ZPBP2: variants seen among roughly 807,000 people sequenced by gnomAD.
ZPBP2 encodes zona pellucida-binding protein 2.
A neutral mutation model predicts 37.5 loss-of-function variants in ZPBP2; 34 were observed. The ratio of observed to expected loss-of-function variants is 0.91; its 90% CI spans 0.69 to 1.21. ZPBP2 has a LOEUF of 1.21. Among genes scored for constraint, ZPBP2 ranks in the 50% most tolerant of loss-of-function variants. The probability of loss-of-function intolerance (pLI) is 0.00; values close to 1 mark genes in which losing one functional copy is unlikely to be tolerated. For missense variants in ZPBP2, 397 were observed against 413.5 expected, an observed-to-expected ratio of 0.96 and a Z score of 0.35; for synonymous variants, 143 against 138.4, an observed-to-expected ratio of 1.03 and a Z score of -0.23.
chr17:39,871,063 A>G (rs1045669671), intron 3 of ZPBP2, among the ~76,000 whole-genome samples: 9 of 152,128 alleles, frequency 5.9e-5, no homozygotes, highest in African/African-American at 2.2e-4. Flanking sequence ...TATAAAACCT[A>G]AAATTTATCA....
intron 6 of ZPBP2, among the ~76,000 whole-genome samples, chr17:39,874,492 G>A (rs1476750527): frequency 6.6e-6 from 1 of 151,892 alleles, no homozygotes; most frequent in Non-Finnish European, 1.5e-5. Context: ...CCAGGCTGCT[G>A]TGCAATCTCA....
chr17:39,872,416 C>T lies in ZPBP2; in HGVS notation c.553C>T (p.Pro185Ser), dbSNP rs779439070. The T allele has an allele frequency of 1.0e-4, 169 of 1,613,238 alleles. No individual in the cohort carries two copies. Among genetic ancestry groups the T allele is most frequent in the Non-Finnish European group, 1.3e-4 (155 of 1,179,786 alleles). The change falls in exon 5 of 8, where the codon CCA (proline) becomes TCA (serine). Residue 185 changes from proline (P) to serine (S), a missense_variant. Transcript: ENST00000348931. Reference protein sequence around the residue: ...ISDLSCHVIEPSYKCHSVEIP... With the variant: ...ISDLSCHVIESSYKCHSVEIP... ...TGATTTGTCATGCCATGTCATAGAGCCATCATATAAATGCCATTCTGTTGA... is the reference window on the plus strand; with the variant it reads ...TGATTTGTCATGCCATGTCATAGAGTCATCATATAAATGCCATTCTGTTGA...
intron 3 of ZPBP2, 130 bp downstream of exon 3, chr17:39,870,949 AATC>A: frequency 1.2e-6 from 1 of 858,230 alleles, no homozygotes; most frequent in Non-Finnish European, 1.6e-6. Flanking sequence ...TACTTAGAAA[AATC>A]ATGTTATATT....
intron 2 of ZPBP2, among the ~76,000 whole-genome samples, chr17:39,869,825 G>T (rs925794445): frequency 6.7e-6 from 1 of 148,178 alleles, no homozygotes; most frequent in African/African-American, 2.5e-5. Flanking sequence ...CAATTCTTCT[G>T]CCTCAGCCTC....
chr17:39,870,633 TA>T, intron 2 of ZPBP2, 60 bp from the exon 3 acceptor site: 1 of 1,002,534 alleles, frequency 1.0e-6, no homozygotes, highest in Non-Finnish European at 1.4e-6. Flanking sequence ...ATGGTAGGAG[TA>T]TATTTCTTAA....
At position 39,872,374 on chromosome 17, in the gene ZPBP2, T is replaced by G; in HGVS notation, c.511T>G (p.Leu171Val). Reference protein sequence around the residue: ...DVFFRVLKKILDSLISDLSCH... With the variant: ...DVFFRVLKKIVDSLISDLSCH... ...ATTCTTTAGAGTGCTGAAGAAAATC[T>G]TGGATAGTCTAATTTCTGATTTGTC... The change falls in exon 5 of 8, where the codon TTG (leucine) becomes GTG (valine). Residue 171 changes from leucine to valine, a missense_variant. By Grantham distance (32) the Leu-to-Val change is conservative (BLOSUM62 1). Coordinates refer to ENST00000348931, the MANE Select transcript of ZPBP2 (RefSeq NM_199321.3). The G allele has an allele frequency of 1.2e-6, 2 of 1,613,534 alleles. No individual in the cohort carries two copies. Among genetic ancestry groups the G allele is most frequent in the Non-Finnish European group, 1.7e-6 (2 of 1,179,704 alleles).
chr17:39,868,327 C>A lies in ZPBP2; in HGVS notation c.-28C>A. ...AGGTAGGAGGGAGTCTGTCCCTCGA[C>A]GCCTCCTGCGACGCCAGCCCCTGAG... On this transcript the variant is annotated 5_prime_UTR_variant, in exon 1 of 8. Transcript: ENST00000348931. 1 of 1,604,800 alleles carries A rather than the reference C, an allele frequency of 6.2e-7. No individual in the cohort carries two copies. The highest frequency in any genetic ancestry group is 8.5e-7 in the Non-Finnish European group (1 of 1,179,336).
intron 6 of ZPBP2, among the ~76,000 whole-genome samples, chr17:39,874,970 C>T (rs538795925): frequency 4.6e-5 from 7 of 151,812 alleles, no homozygotes; most frequent in East Asian, 3.9e-4. Context: ...AGGATGGTCT[C>T]GAACTCTTGA....
Position 39,870,812 on chromosome 17 carries a change from G to A in ZPBP2, c.237G>A (p.Thr79=), listed in dbSNP as rs1461089734. 9 of 1,506,682 alleles carry A rather than the reference G, an allele frequency of 6.0e-6. No individual in the cohort carries two copies. The East Asian group carries it at 9.2e-5, about 15-fold the overall frequency. The allele number at this position is 1,506,682 out of a possible 1,614,324, so 93.3% of individuals were successfully genotyped here. ...TYLWIGPNEK[T]LTGNNRINIT... Reference sequence around the variant, plus strand: ...TATGGATTGGGCCTAATGAAAAGACGTTAACAGGTAAATTTGATTTTAATA... The same window carrying A: ...TATGGATTGGGCCTAATGAAAAGACATTAACAGGTAAATTTGATTTTAATA... Residue 79 remains threonine, a synonymous_variant, in exon 3 of 8, where the codon ACG becomes ACA. Transcript: ENST00000348931.
chr17:39,875,417 ATTGCGCTAGCTG>A lies in ZPBP2; in HGVS notation c.876_887del (p.Ala293_Cys296del), dbSNP rs759308028. The A allele has an allele frequency of 6.2e-7, 1 of 1,607,172 alleles. No individual in the cohort carries two copies. Among genetic ancestry groups the A allele is most frequent in the South Asian group, 1.1e-5 (1 of 89,032 alleles). The stretch of plus-strand genomic sequence containing the variant: ...GGAAAAAATGAACGTCTACACAGTA[ATTGCGCTAGCTG>A]TTGTGGTAACTATAAAATATAAATA... On this transcript the variant is annotated inframe_deletion, in exon 7 of 8. Coordinates refer to ENST00000348931, the MANE Select transcript of ZPBP2 (RefSeq NM_199321.3).
Position 39,875,986 on chromosome 17 carries a change from A to C in ZPBP2, c.889+552A>C, listed in dbSNP as rs370599666. Among the ~76,000 whole-genome samples, 21 of 136,128 alleles carry C rather than the reference A, an allele frequency of 1.5e-4. No homozygotes were observed. The East Asian group carries it at 4.5e-3, about 29-fold the overall frequency. The allele number at this position is 136,128 out of a possible 152,430, so 89.3% of individuals were successfully genotyped here. A position where few individuals can be genotyped will look rare whatever the true frequency, so the allele number is the denominator to read the frequency against. Reference sequence around the variant, plus strand: ...TGTGGCGCAGTCTCAGCTTATGGCAACTCTGCCTCCCAAGCTCAAACCATC... The same window carrying C: ...TGTGGCGCAGTCTCAGCTTATGGCACCTCTGCCTCCCAAGCTCAAACCATC... On this transcript the variant is annotated intron_variant, in intron 7 of 7. Transcript: ENST00000348931.
At chr17:39,868,653 G>C (rs375628807) in intron 2 of ZPBP2, 39 bp downstream of exon 2, 1 of 1,610,896 alleles carries the variant, frequency 6.2e-7, no homozygotes, top group South Asian at 1.1e-5. Flanking sequence ...CATTGGAGGG[G>C]CCGGAACTGC....
In ZPBP2 at chr17:39,868,218, C is replaced by G. The variant is rs2063343944; in HGVS notation, c.-137C>G. On this transcript the variant is annotated 5_prime_UTR_variant, in exon 1 of 8. Coordinates refer to ENST00000348931, the MANE Select transcript of ZPBP2 (RefSeq NM_199321.3). ...CGTTCTCCTGCGCGTCCGCTCCCGC[C>G]GTTGCGACGGACGGGTAGGGGAGGC... The G allele has an allele frequency of 2.2e-6, 2 of 918,946 alleles. No homozygotes were observed. The highest frequency in any genetic ancestry group is 3.2e-6 in the Non-Finnish European group (2 of 620,800). The allele number at this position is 918,946 out of a possible 1,614,324, so 56.9% of individuals were successfully genotyped here.
chr17:39,874,432 C>A (rs999286738), intron 6 of ZPBP2, among the ~76,000 whole-genome samples: 3 of 151,940 alleles, frequency 2.0e-5, no homozygotes, highest in Admixed American at 6.6e-5. Flanking sequence ...CTTATTTTTT[C>A]TTTTCATTTT....
rs144017773 is a variant in ZPBP2 at position 39,877,147 on chromosome 17, A to G, written c.*338A>G. 8.4e-4 allele frequency: 144 copies of G among 170,770 alleles called. No individual in the cohort carries two copies. The highest frequency in any genetic ancestry group is 3.3e-3 in the African/African-American group (140 of 42,160). The allele number at this position is 170,770 out of a possible 1,614,324, so 10.6% of individuals were successfully genotyped here. On this transcript the variant is annotated 3_prime_UTR_variant, in exon 8 of 8. Transcript: ENST00000348931. Reference sequence around the variant, plus strand: ...AAAATAAAAATTGTATACTCTCCATATATTTATTTGTTTGGAATCACTCTT... The same window carrying G: ...AAAATAAAAATTGTATACTCTCCATGTATTTATTTGTTTGGAATCACTCTT...
Position 39,870,721 on chromosome 17 carries a change from A to G in ZPBP2, c.146A>G (p.Asn49Ser). 6.7e-7 allele frequency: 1 copy of G among 1,485,158 alleles called. No homozygotes were observed. The highest frequency in any genetic ancestry group is 9.1e-7 in the Non-Finnish European group (1 of 1,097,200). The allele number at this position is 1,485,158 out of a possible 1,614,324, so 92.0% of individuals were successfully genotyped here. A position where few individuals can be genotyped will look rare whatever the true frequency, so the allele number is the denominator to read the frequency against. The change falls in exon 3 of 8, where the codon AAT becomes AGT. Residue 49 changes from asparagine to serine, a missense_variant. Physicochemically the swap from Asn to Ser is conservative, Grantham distance 46. Coordinates refer to ENST00000348931, the MANE Select transcript of ZPBP2 (RefSeq NM_199321.3). Reference protein sequence around the residue: ...PDKIYVELHQNSPVLICMDFK... With the variant: ...PDKIYVELHQSSPVLICMDFK... Reference sequence around the variant, plus strand: ...AAAATATATGTAGAGTTACATCAAAATAGTCCAGTCCTTATCTGTATGGAT... The same window carrying G: ...AAAATATATGTAGAGTTACATCAAAGTAGTCCAGTCCTTATCTGTATGGAT...
At position 39,868,237 on chromosome 17, in the gene ZPBP2, G is replaced by C. The variant is rs1394849587; in HGVS notation, c.-118G>C. On this transcript the variant is annotated 5_prime_UTR_variant, in exon 1 of 8. Coordinates refer to ENST00000348931, the MANE Select transcript of ZPBP2 (RefSeq NM_199321.3). ...TCCCGCCGTTGCGACGGACGGGTAG[G>C]GGAGGCGACCCCGGCGTTCTGCTCC... is the stretch of plus-strand genomic sequence containing the variant. 1 of 1,183,774 alleles carries C rather than the reference G, an allele frequency of 8.4e-7. No homozygotes were observed. The highest frequency in any genetic ancestry group is 1.2e-6 in the Non-Finnish European group (1 of 844,368). The allele number at this position is 1,183,774 out of a possible 1,614,324, so 73.3% of individuals were successfully genotyped here. A position where few individuals can be genotyped will look rare whatever the true frequency, so the allele number is the denominator to read the frequency against.
Position 39,873,025 on chromosome 17 carries a change from T to A in ZPBP2, c.626-19T>A. ...TTTTCAGAATCCCTTTGTGAGTCTA[T>A]CATTTTTTTTCTCTTCAGTTAATCC... On this transcript the variant is annotated intron_variant, in intron 5 of 7. Coordinates refer to ENST00000348931, the MANE Select transcript of ZPBP2 (RefSeq NM_199321.3). The A allele has an allele frequency of 6.2e-7, 1 of 1,608,318 alleles. No homozygotes were observed. Among genetic ancestry groups the A allele is most frequent in the Non-Finnish European group, 8.5e-7 (1 of 1,176,576 alleles).
chr17:39,868,280 G>A lies in ZPBP2; in HGVS notation c.-75G>A. Reference sequence around the variant, plus strand: ...TCTGCTCCGCACTGTGGAGGAGGTGGGGAGGTGTTGGGCCAGGGCTGAGGT... The same window carrying A: ...TCTGCTCCGCACTGTGGAGGAGGTGAGGAGGTGTTGGGCCAGGGCTGAGGT... On this transcript the variant is annotated 5_prime_UTR_variant, in exon 1 of 8. Transcript: ENST00000348931. 1.3e-6 allele frequency: 2 copies of A among 1,537,512 alleles called. No homozygotes were observed. Among genetic ancestry groups the A allele is most frequent in the Non-Finnish European group, 1.8e-6 (2 of 1,129,310 alleles).
Sources: allele counts gnomAD v4.1 joint callset (sites outside exome capture counted in the v4.1 genomes callset), GRCh38; gene constraint gnomAD v4.1.1; transcripts MANE v1.5; gene names NCBI Gene and HGNC (gene_info 2026-07-23, HGNC 2026-07-21).